Variants in FHOD3 observed in about 807,000 individuals in gnomAD.
FHOD3 encodes the protein FH1/FH2 domain-containing protein 3.
A neutral mutation model predicts 173.0 loss-of-function variants in FHOD3; 90 were observed. That is an observed-to-expected ratio of 0.52 (90% CI 0.44 to 0.62). The LOEUF (loss-of-function observed/expected upper bound fraction) is 0.62, where lower values mean the gene tolerates loss of function less well. FHOD3 is among the 20% of genes least tolerant of loss of function. FHOD3 has a pLI of 0.00. For synonymous variants in FHOD3, 828 were observed against 823.0 expected (o/e 1.01, Z -0.10); for missense variants, 1,945 against 2,034.7 (o/e 0.96, Z 0.85).
At chr18:36,654,006 G>A (rs958576491) in intron 13 of FHOD3, among the ~76,000 whole-genome samples, 2 of 152,206 alleles carry the variant, frequency 1.3e-5, no homozygotes, top group Admixed American at 6.5e-5. Flanking sequence ...TTCAACCCCA[G>A]GCAGCCTGTT....
intron 1 of FHOD3, among the ~76,000 whole-genome samples, chr18:36,326,635 G>T (rs111622653): frequency 5.9e-5 from 9 of 151,960 alleles, no homozygotes; most frequent in African/African-American, 2.2e-4. Flanking sequence ...ATTAGTAGTC[G>T]CAGGTACTCG....
chr18:36,707,273 A>AG (rs151173048), intron 17 of FHOD3, among the ~76,000 whole-genome samples: 2 of 152,132 alleles, frequency 1.3e-5, no homozygotes, highest in Non-Finnish European at 2.9e-5. Flanking sequence ...CCTCAGCTGC[A>AG]GGGGGGTCTT....
chr18:36,718,023 A>C lies in FHOD3; in HGVS notation c.2725A>C (p.Ile909Leu). 1 of 1,607,862 alleles carries C rather than the reference A, an allele frequency of 6.2e-7. No homozygotes were observed. The highest frequency in any genetic ancestry group is 8.5e-7 in the Non-Finnish European group (1 of 1,176,888). Residue 909 changes from isoleucine (I) to leucine (L), a missense_variant, in exon 19 of 29, where the codon ATA becomes CTA. By Grantham distance (5) the Ile-to-Leu change is conservative. Transcript: ENST00000590592. ...AEAVASLATR[I>L]STLQANSQTQ... ...GGCGGTAGCCAGCCTTGCTACCAGG[A>C]TATCCACCCTGCAGGCCAACTCTCA...
chr18:36,579,789 A>T (rs1035863979), intron 6 of FHOD3, among the ~76,000 whole-genome samples: 1 of 152,146 alleles, frequency 6.6e-6, no homozygotes, highest in Non-Finnish European at 1.5e-5. Context: ...TGAGAAATAA[A>T]TTTCTGTTCT....
intron 5 of FHOD3, among the ~76,000 whole-genome samples, chr18:36,563,388 C>A (rs551160733): frequency 6.6e-6 from 1 of 152,162 alleles, no homozygotes; most frequent in Non-Finnish European, 1.5e-5. Flanking sequence ...CAGGGGCTTT[C>A]GAGTAATGTT....
intron 10 of FHOD3, among the ~76,000 whole-genome samples, chr18:36,643,471 C>A (rs1249040874): frequency 6.6e-6 from 1 of 152,068 alleles, no homozygotes; most frequent in South Asian, 2.1e-4. Context: ...AGAATCGCTG[C>A]CCTAGGGTAT....
intron 5 of FHOD3, among the ~76,000 whole-genome samples, chr18:36,538,492 T>C (rs1338090744): frequency 3.3e-5 from 5 of 152,234 alleles, no homozygotes; most frequent in Non-Finnish European, 7.3e-5. Context: ...GGTATATTCC[T>C]ACAGATTCTG....
In FHOD3 at chr18:36,372,813, A is replaced by G. The variant is rs1011312597; in HGVS notation, c.337+69A>G. ...CGCGACTTATGGGAATAAAATAAAGATTCACTGTTATGCTGTCTGTTTGCA... is the reference window on the plus strand; with the variant it reads ...CGCGACTTATGGGAATAAAATAAAGGTTCACTGTTATGCTGTCTGTTTGCA... On this transcript the variant is annotated intron_variant, in intron 3 of 28. Coordinates refer to ENST00000590592, the MANE Select transcript of FHOD3 (RefSeq NM_001281740.3). The G allele has an allele frequency of 1.3e-5, 17 of 1,321,472 alleles. No homozygotes were observed. The South Asian group carries it at 1.9e-4, about 14-fold the overall frequency. The allele number at this position is 1,321,472 out of a possible 1,614,324, so 81.9% of individuals were successfully genotyped here.
chr18:36,351,410 G>A (rs1046396619), intron 1 of FHOD3, among the ~76,000 whole-genome samples: 1 of 152,156 alleles, frequency 6.6e-6, no homozygotes, highest in African/African-American at 2.4e-5. Context: ...GCTAACGATA[G>A]CAGAAGGGAT....
intron 6 of FHOD3, among the ~76,000 whole-genome samples, chr18:36,577,995 G>T (rs1348737934): frequency 6.6e-6 from 1 of 152,182 alleles, no homozygotes; most frequent in Non-Finnish European, 1.5e-5. Context: ...TGTACGGGTG[G>T]CACGTTATGG....
rs7237275 is a variant in FHOD3 at position 36,654,372 on chromosome 18, C to T, written c.1721+956C>T. Among the ~76,000 whole-genome samples the T allele has an allele frequency of 9.0e-3, 1,367 of 152,210 alleles. 24 individuals are homozygous for T. The highest frequency in any genetic ancestry group is 0.031 in the African/African-American group (1,273 of 41,502). ...TATATCTGAAGGAATTTTGAAGTTT[C>T]CCTCCAAGTTTTGAGAAGCCTGTCT... On this transcript the variant is annotated intron_variant, in intron 13 of 28. Transcript: ENST00000590592.
intron 7 of FHOD3, among the ~76,000 whole-genome samples, chr18:36,600,545 T>C (rs1431338381): frequency 2.6e-5 from 4 of 152,204 alleles, no homozygotes; most frequent in Admixed American, 6.5e-5. Context: ...TGTACAAATA[T>C]ATGCACATTT....
At chr18:36,487,698 G>A (rs1375667437) in intron 3 of FHOD3, among the ~76,000 whole-genome samples, 1 of 152,198 alleles carries the variant, frequency 6.6e-6, no homozygotes, top group Admixed American at 6.5e-5. Context: ...GTTCTCAAAT[G>A]TGTTGGACTC....
intron 17 of FHOD3, among the ~76,000 whole-genome samples, chr18:36,708,029 T>C (rs1192356146): frequency 1.3e-5 from 2 of 152,150 alleles, no homozygotes; most frequent in Non-Finnish European, 2.9e-5. Flanking sequence ...ATCATTTTGC[T>C]ACACATCCAC....
At chr18:36,604,794 CA>C (rs2148519886) in intron 8 of FHOD3, among the ~76,000 whole-genome samples, 1 of 152,140 alleles carries the variant, frequency 6.6e-6, no homozygotes, top group South Asian at 2.1e-4. Context: ...ATCTTATTTA[CA>C]AAATGAAAAT....
At chr18:36,438,519 G>A (rs920871215) in intron 3 of FHOD3, among the ~76,000 whole-genome samples, 1 of 152,122 alleles carries the variant, frequency 6.6e-6, no homozygotes, top group African/African-American at 2.4e-5. Flanking sequence ...CCTCCTGCCT[G>A]TACTTCTGTC....
intron 3 of FHOD3, among the ~76,000 whole-genome samples, chr18:36,415,546 A>T (rs2049592761): frequency 6.6e-6 from 1 of 152,210 alleles, no homozygotes; most frequent in South Asian, 2.1e-4. Flanking sequence ...GTCACTGAGG[A>T]CAAATGGTTC....
intron 3 of FHOD3, among the ~76,000 whole-genome samples, chr18:36,463,898 T>A (rs1237790384): frequency 6.6e-6 from 1 of 152,228 alleles, no homozygotes; most frequent in Non-Finnish European, 1.5e-5. Flanking sequence ...TCTAATTATT[T>A]TTCTTTAAAA....
intron 1 of FHOD3, among the ~76,000 whole-genome samples, chr18:36,298,890 C>T (rs572784732): frequency 4.6e-5 from 7 of 152,222 alleles, no homozygotes; most frequent in Middle Eastern, 3.4e-3. Flanking sequence ...AAAACCCTTA[C>T]TCTCACTTAG....
Sources: allele counts gnomAD v4.1 joint callset (sites outside exome capture counted in the v4.1 genomes callset), GRCh38; gene constraint gnomAD v4.1.1; transcripts MANE v1.5; gene names NCBI Gene and HGNC (gene_info 2026-07-23, HGNC 2026-07-21).